UBTF: variants seen among roughly 807,000 people sequenced by gnomAD.
UBTF encodes upstream binding transcription factor, also known as nucleolar transcription factor 1.
UBTF carries 8 observed loss-of-function variants against 112.3 expected under a neutral mutation model. The observed-to-expected ratio is 0.07, with a 90% CI of 0.04 to 0.13. The LOEUF (loss-of-function observed/expected upper bound fraction) is 0.13. UBTF is among the 10% of genes least tolerant of loss of function. The pLI is 1.00. For missense variants in UBTF, 457 were observed against 982.1 expected (o/e 0.47, Z 7.15); for synonymous variants, 417 against 373.1 (o/e 1.12, Z -1.36).
chr17:44,210,848 T>C lies in UBTF; in HGVS notation c.1303A>G (p.Ser435Gly). The C allele has an allele frequency of 1.3e-6, 2 of 1,572,138 alleles. No homozygotes were observed. The highest frequency in any genetic ancestry group is 1.7e-6 in the Non-Finnish European group (2 of 1,158,504). ...CGGGCCAGCAGGCGGGTCAGCTCGC[T>C]CTCGGAGAGCTCAGGCCGCTCCTCC... ...LQEERPELSE[S>G]ELTRLLARMW... Residue 435 changes from serine (S) to glycine (G), a missense_variant, in exon 13 of 21, where the codon AGC becomes GGC. By Grantham distance (56) the Ser-to-Gly change is moderately conservative. Around this residue, in one of 7 missense-constraint regions of UBTF, gnomAD observed 108 missense variants for 137.4 expected, o/e 0.79. Transcript: ENST00000436088.
chr17:44,211,938 G>A lies in UBTF; in HGVS notation c.840C>T (p.Ser280=). The A allele has an allele frequency of 6.2e-7, 1 of 1,614,048 alleles. No individual in the cohort carries two copies. The highest frequency in any genetic ancestry group is 8.5e-7 in the Non-Finnish European group (1 of 1,180,008). Residue 280 remains serine (S), a synonymous_variant, in exon 9 of 21, where the codon TCC becomes TCT. Coordinates refer to ENST00000436088, the MANE Select transcript of UBTF (RefSeq NM_014233.4). The surrounding 1 kb of genome is among the most constrained non-coding windows in gnomAD (Gnocchi z 4.9). ...GCTGGCGTTCGGCCTTGGTGAGGGT[G>A]GACTTGGTGATACCCTCCTCACTGA... is the stretch of plus-strand genomic sequence containing the variant. ...LNISEEGITK[S]TLTKAERQLK...
At chr17:44,218,437 G>A (rs1949260923) in intron 1 of UBTF, 141 bp from the exon 2 acceptor site, 1 of 550,506 alleles carries the variant, frequency 1.8e-6, no homozygotes, top group Non-Finnish European at 3.2e-6. Flanking sequence ...GGGGTCTATG[G>A]GAATGGGAGT....
rs2047069787 is a variant in UBTF, at chr17:44,219,675, C to T, written c.-298G>A. 1.3e-5 allele frequency: 2 copies of T among 152,496 alleles called. No individual in the cohort carries two copies. Among genetic ancestry groups the T allele is most frequent in the South Asian group, 1.8e-4 (1 of 5,580 alleles). The allele number at this position is 152,496 out of a possible 1,614,324, so 9.4% of individuals were successfully genotyped here. ...CTGCTGCTCCTCGCGGCGAAAAGCACAAAGCACAGCGCCCTCCGCCTGCAG... is the reference window on the plus strand; with the variant it reads ...CTGCTGCTCCTCGCGGCGAAAAGCATAAAGCACAGCGCCCTCCGCCTGCAG... On this transcript the variant is annotated 5_prime_UTR_variant, in exon 1 of 21. It adds an upstream start codon to the 5' untranslated region. Coordinates refer to ENST00000436088, the MANE Select transcript of UBTF (RefSeq NM_014233.4).
chr17:44,212,275 G>A, intron 8 of UBTF, 69 bp downstream of exon 8: 2 of 1,366,566 alleles, frequency 1.5e-6, no homozygotes, highest in Admixed American at 1.7e-5. Context: ...GCAGAGTGCG[G>A]TGGCCACGGA....
chr17:44,211,317 GTAAT>G lies in UBTF; in HGVS notation c.1058_1061del (p.Asp353AlafsTer27). 6.2e-7 allele frequency: 1 copy of G among 1,614,190 alleles called. No homozygotes were observed. The highest frequency in any genetic ancestry group is 8.5e-7 in the Non-Finnish European group (1 of 1,180,038). ...CGAGGAAACGGAGCAGCTCCACCTC[GTAAT>G]CTTTCTTTTTCTGGGAAAGTGAGTG... On this transcript the variant is annotated frameshift_variant, in exon 11 of 21. Coordinates refer to ENST00000436088, the MANE Select transcript of UBTF (RefSeq NM_014233.4). LOFTEE classifies it high-confidence loss of function. The surrounding 1 kb of genome is among the most constrained non-coding windows in gnomAD (Gnocchi z 4.9).
At chr17:44,217,436 C>T (rs1481889620) in intron 2 of UBTF, among the ~76,000 whole-genome samples, 2 of 152,208 alleles carry the variant, frequency 1.3e-5, no homozygotes, top group Admixed American at 1.3e-4. Context: ...GAAGCAAGAA[C>T]AGGTCTGGAA....
In UBTF at chr17:44,210,801, C is replaced by T. The variant is rs1436891946; in HGVS notation, c.1350G>A (p.Glu450=). The T allele has an allele frequency of 8.3e-6, 13 of 1,565,016 alleles. No homozygotes were observed. In the Admixed American group the frequency reaches 2.3e-4, roughly 27 times the overall value. ...LLARMWNDLS[E]KKKAKYKARE... ...CGCCAGGCAGCCTGACCTTCTTCTTCTCAGACAGGTCGTTCCACATTCGGG... is the reference window on the plus strand; with the variant it reads ...CGCCAGGCAGCCTGACCTTCTTCTTTTCAGACAGGTCGTTCCACATTCGGG... The change falls in exon 13 of 21, where the codon GAG becomes GAA. Residue 450 remains glutamate, a synonymous_variant. Coordinates refer to ENST00000436088, the MANE Select transcript of UBTF (RefSeq NM_014233.4).
Position 44,211,420 on chromosome 17 carries a change from C to T in UBTF, c.1048-89G>A. Reference sequence around the variant, plus strand: ...CGGAGGACAGTGACCTTCAGCGGGCCTCCAGAGCCTGGGTGTGGGCTGGAC... The same window carrying T: ...CGGAGGACAGTGACCTTCAGCGGGCTTCCAGAGCCTGGGTGTGGGCTGGAC... On this transcript the variant is annotated intron_variant, in intron 10 of 20. Coordinates refer to ENST00000436088, the MANE Select transcript of UBTF (RefSeq NM_014233.4). This position sits in a 1 kb window ranked among gnomAD's most constrained non-coding sequence, Gnocchi z 4.9. The T allele has an allele frequency of 6.3e-7, 1 of 1,590,294 alleles. No homozygotes were observed. Among genetic ancestry groups the T allele is most frequent in the Non-Finnish European group, 8.6e-7 (1 of 1,162,086 alleles).
At chr17:44,218,454 CT>C in intron 1 of UBTF, 158 bp from the exon 2 acceptor site, 1 of 525,538 alleles carries the variant, frequency 1.9e-6, no homozygotes, top group South Asian at 2.5e-5. Flanking sequence ...GAGTGCGCCC[CT>C]CCTCTTCCTC....
At chr17:44,214,857 G>A (rs982003405) in intron 5 of UBTF, among the ~76,000 whole-genome samples, 2 of 152,052 alleles carry the variant, frequency 1.3e-5, no homozygotes, top group African/African-American at 2.4e-5. Flanking sequence ...TCCTTGTCCC[G>A]TGTCTCTTCT....
Position 44,208,092 on chromosome 17 carries a change from A to ATTTTT in UBTF, c.1906-186_1906-182dup, listed in dbSNP as rs57107684. On this transcript the variant is annotated intron_variant, in intron 17 of 20. Transcript: ENST00000436088. ...CCTGGGATCTGAGAACACAGCTCTAATTTTTTTTTTTTTTTTTTTTTTTTT... is the reference window on the plus strand; with the variant it reads ...CCTGGGATCTGAGAACACAGCTCTAATTTTTTTTTTTTTTTTTTTTTTTTTTTTTT... 1.6e-3 allele frequency among the ~76,000 whole-genome samples: 193 copies of ATTTTT among 117,988 alleles called. 4 individuals are homozygous for ATTTTT. The highest frequency in any genetic ancestry group is 2.7e-3 in the Non-Finnish European group (157 of 57,256). The allele number at this position is 117,988 out of a possible 152,430, so 77.4% of individuals were successfully genotyped here.
rs1165152625 is a variant in UBTF, at chr17:44,219,568, C to T, written c.-191G>A. On this transcript the variant is annotated 5_prime_UTR_variant, in exon 1 of 21. Coordinates refer to ENST00000436088, the MANE Select transcript of UBTF (RefSeq NM_014233.4). Reference sequence around the variant, plus strand: ...CCCTCCCGCGGCGGCAGCGGCTCCTCCTCCGGGCGAGGCGGCGGCGCTGGG... The same window carrying T: ...CCCTCCCGCGGCGGCAGCGGCTCCTTCTCCGGGCGAGGCGGCGGCGCTGGG... The T allele has an allele frequency of 6.3e-6, 1 of 158,986 alleles. No homozygotes were observed. Among genetic ancestry groups the T allele is most frequent in the Non-Finnish European group, 1.3e-5 (1 of 74,256 alleles). 9.8% of individuals were successfully genotyped at this position (158,986 alleles called of 1,614,324 possible).
At chr17:44,212,266 C>A (rs1033676763) in intron 8 of UBTF, 78 bp downstream of exon 8, 2 of 1,291,112 alleles carry the variant, frequency 1.5e-6, no homozygotes, top group African/African-American at 1.5e-5. Context: ...ACACCTCCCG[C>A]AGAGTGCGGT....
intron 13 of UBTF, 24 bp from the exon 14 acceptor site, chr17:44,210,497 G>C: frequency 6.4e-7 from 1 of 1,567,476 alleles, no homozygotes; most frequent in Non-Finnish European, 8.6e-7. Context: ...CCGGGCGTCA[G>C]CCTTCCACCC....
chr17:44,208,805 G>A (rs758654336), intron 17 of UBTF: 2 of 253,372 alleles, frequency 7.9e-6, no homozygotes, highest in Non-Finnish European at 1.6e-5. Context: ...GGGAGGAAAA[G>A]GCAGTCTGAT....
chr17:44,218,104 G>C, intron 2 of UBTF, 68 bp downstream of exon 2: 1 of 1,498,298 alleles, frequency 6.7e-7, no homozygotes, highest in East Asian at 2.3e-5. Context: ...TTGAAGAAGG[G>C]AGTGAGCCCC....
chr17:44,208,058 C>T (rs1876463030), intron 17 of UBTF, 147 bp from the exon 18 acceptor site: 1 of 806,946 alleles, frequency 1.2e-6, no homozygotes, highest in Non-Finnish European at 1.9e-6. Context: ...TGGGTCTCTG[C>T]AGAGAGCCCC....
chr17:44,210,664 G>C (rs935613328), intron 13 of UBTF, 128 bp downstream of exon 13: 4 of 1,399,892 alleles, frequency 2.9e-6, no homozygotes, highest in South Asian at 1.5e-5. Flanking sequence ...GCTGGGCGCC[G>C]GCCCCACGTC....
chr17:44,218,305 G>T lies in UBTF; in HGVS notation c.-67-9C>A. On this transcript the variant is annotated splice_polypyrimidine_tract_variant and intron_variant, in intron 1 of 20. Transcript: ENST00000436088. ...GTCAAAGCCACCTCACCCTTTGGAAGACATACCAGTTCCCACTCAGGAAGG... is the reference window on the plus strand; with the variant it reads ...GTCAAAGCCACCTCACCCTTTGGAATACATACCAGTTCCCACTCAGGAAGG... The T allele has an allele frequency of 6.6e-7, 1 of 1,521,292 alleles. No homozygotes were observed. The highest frequency in any genetic ancestry group is 9.0e-7 in the Non-Finnish European group (1 of 1,108,038). 94.2% of individuals were successfully genotyped at this position (1,521,292 alleles called of 1,614,324 possible).
Sources: allele counts gnomAD v4.1 joint callset (sites outside exome capture counted in the v4.1 genomes callset), GRCh38; gene constraint gnomAD v4.1.1; regional missense constraint gnomAD v4.1.1; non-coding constraint Gnocchi (gnomAD v3.1); transcripts MANE v1.5; gene names NCBI Gene and HGNC (gene_info 2026-07-23, HGNC 2026-07-21).